The following PLEKHG7 variants were observed in gnomAD, a reference collection of about 807,000 sequenced individuals.
PLEKHG7 encodes pleckstrin homology and RhoGEF domain containing G7.
Under a neutral mutation model 85.2 loss-of-function variants are expected in PLEKHG7, and 77 were observed. The observed-to-expected ratio is 0.90, with a 90% CI of 0.75 to 1.09. The LOEUF is 1.09. Among genes scored for constraint, PLEKHG7 ranks in the 50% least tolerant of loss-of-function variants. The pLI is 0.00. For synonymous variants in PLEKHG7, 301 were observed against 302.4 expected, an observed-to-expected ratio of 1.00 and a Z score of 0.05; for missense variants, 777 against 804.3, an observed-to-expected ratio of 0.97 and a Z score of 0.41.
intron 9 of PLEKHG7, 115 bp from the exon 10 acceptor site, chr12:92,745,363 C>A (rs1872503559): frequency 1.5e-6 from 1 of 677,112 alleles, no homozygotes. Context: ...ATCATGGCGA[C>A]TCCTCCACTT....
At chr12:92,756,260 TAAC>T (rs754105331) in intron 12 of PLEKHG7, 35 bp from the exon 13 acceptor site, 8 of 1,471,836 alleles carry the variant, frequency 5.4e-6, no homozygotes, top group Non-Finnish European at 7.6e-6. Flanking sequence ...TTCCAATCAC[TAAC>T]AACATCTCTT....
At chr12:92,768,554 T>C (rs559139858) in intron 15 of PLEKHG7, among the ~76,000 whole-genome samples, 5 of 152,326 alleles carry the variant, frequency 3.3e-5, no homozygotes, top group Non-Finnish European at 7.3e-5. Flanking sequence ...TGGATGTGAC[T>C]TCCCTTTAAA....
chr12:92,731,446 T>C (rs1871990803), intron 4 of PLEKHG7, among the ~76,000 whole-genome samples: 1 of 152,220 alleles, frequency 6.6e-6, no homozygotes, highest in African/African-American at 2.4e-5. Context: ...CTGGGGGATC[T>C]GATAGAGAGA....
chr12:92,761,815 C>T lies in PLEKHG7; in HGVS notation c.1700C>T (p.Thr567Ile), dbSNP rs1873043839. Residue 567 changes from threonine to isoleucine, a missense_variant, in exon 14 of 17, where the codon ACT (threonine) becomes ATT (isoleucine). This residue lies in a region of PLEKHG7 where 520 missense variants were observed against 544.0 expected (regional missense o/e 0.96). Transcript: ENST00000344636. Reference sequence around the variant, plus strand: ...AATGATTTCCTCTTAGTTACGAAAACTAAGTGCAACAAAAAGGTAAAATGC... The same window carrying T: ...AATGATTTCCTCTTAGTTACGAAAATTAAGTGCAACAAAAAGGTAAAATGC... ...LFNDFLLVTK[T>I]KCNKKKLGGS... 4 of 1,576,422 alleles carry T rather than the reference C, an allele frequency of 2.5e-6. No homozygotes were observed. In the South Asian group the frequency reaches 4.8e-5, roughly 19 times the overall value.
rs1393589288 is a variant in PLEKHG7, at chr12:92,740,941, T to TAA, written c.1029_1030dup (p.Thr344LysfsTer9). 6.2e-7 allele frequency: 1 copy of TAA among 1,605,400 alleles called. No individual in the cohort carries two copies. Among genetic ancestry groups the TAA allele is most frequent in the Non-Finnish European group, 8.5e-7 (1 of 1,172,928 alleles). Reference sequence around the variant, plus strand: ...AGACTTTTTGCAAACCTGGAGGAGTTAACTCAGGTGAGCCAAGTAGGAAGA... The same window carrying TAA: ...AGACTTTTTGCAAACCTGGAGGAGTTAAAACTCAGGTGAGCCAAGTAGGAAGA... On this transcript the variant is annotated frameshift_variant, in exon 8 of 17. Coordinates refer to ENST00000344636, the MANE Select transcript of PLEKHG7 (RefSeq NM_001377329.1). LOFTEE classifies it high-confidence loss of function.
At chr12:92,740,781 A>T in intron 7 of PLEKHG7, 72 bp from the exon 8 acceptor site, 1 of 1,009,924 alleles carries the variant, frequency 9.9e-7, no homozygotes, top group Non-Finnish European at 1.5e-6. Flanking sequence ...GTTTATGTTT[A>T]AAGTTCTTGC....
At chr12:92,713,444 G>A (rs759998079) in intron 3 of PLEKHG7, among the ~76,000 whole-genome samples, 9 of 152,102 alleles carry the variant, frequency 5.9e-5, no homozygotes, top group Non-Finnish European at 1.2e-4. Flanking sequence ...TGCCTCTTCC[G>A]TCCATTATGG....
intron 7 of PLEKHG7, among the ~76,000 whole-genome samples, chr12:92,739,453 C>T (rs1202599338): frequency 3.3e-5 from 5 of 152,100 alleles, no homozygotes; most frequent in Admixed American, 6.6e-5. Flanking sequence ...AAATGTTCAC[C>T]GCAGAGAACG....
chr12:92,726,112 G>A (rs764194169), intron 3 of PLEKHG7, among the ~76,000 whole-genome samples: 2 of 152,214 alleles, frequency 1.3e-5, no homozygotes, highest in Non-Finnish European at 2.9e-5. Flanking sequence ...CCGAGAATGT[G>A]CAATTAAGAG....
intron 15 of PLEKHG7, among the ~76,000 whole-genome samples, chr12:92,764,931 C>CA (rs1392322178): frequency 6.6e-6 from 1 of 152,112 alleles, no homozygotes; most frequent in African/African-American, 2.4e-5. Context: ...AGGACGCAGA[C>CA]ACCACTCTGC....
At chr12:92,763,214 A>G (rs1025708441) in intron 14 of PLEKHG7, among the ~76,000 whole-genome samples, 2 of 152,190 alleles carry the variant, frequency 1.3e-5, no homozygotes, top group Admixed American at 6.5e-5. Context: ...TTTATGTACA[A>G]TTTATACCAT....
chr12:92,732,338 G>C (rs1424432237), intron 5 of PLEKHG7, 65 bp downstream of exon 5: 1 of 962,988 alleles, frequency 1.0e-6, no homozygotes, highest in African/African-American at 1.7e-5. Context: ...AGTAAGAAAT[G>C]GCTGAAGAGT....
At position 92,770,181 on chromosome 12, in the gene PLEKHG7, T is replaced by A. The variant is rs1042031460; in HGVS notation, c.2062T>A (p.Ser688Thr). 6.3e-7 allele frequency: 1 copy of A among 1,597,540 alleles called. No individual in the cohort carries two copies. The highest frequency in any genetic ancestry group is 8.5e-7 in the Non-Finnish European group (1 of 1,170,696). The change falls in exon 17 of 17, where the codon TCC (serine) becomes ACC (threonine). Residue 688 changes from serine (S) to threonine (T), a missense_variant. This residue lies in a region of PLEKHG7 where 520 missense variants were observed against 544.0 expected (regional missense o/e 0.96). Coordinates refer to ENST00000344636, the MANE Select transcript of PLEKHG7 (RefSeq NM_001377329.1). ...KISLFTLPAE[S>T]SEI ...ATCTTTATTCACATTGCCCGCAGAA[T>A]CCTCTGAAATTTAGGGACCTAAAAC... is the stretch of plus-strand genomic sequence containing the variant.
chr12:92,729,465 T>G (rs1871919034), intron 4 of PLEKHG7, among the ~76,000 whole-genome samples: 1 of 150,152 alleles, frequency 6.7e-6, no homozygotes, highest in Admixed American at 6.7e-5. Flanking sequence ...TTCCCCATTA[T>G]TGCTGTCATG....
chr12:92,741,773 T>C (rs775280555), intron 9 of PLEKHG7, among the ~76,000 whole-genome samples, 181 bp downstream of exon 9: 6 of 152,346 alleles, frequency 3.9e-5, no homozygotes, highest in Middle Eastern at 6.8e-3. Context: ...AGATTCTGTT[T>C]TCCCATTGCC....
chr12:92,742,302 A>T (rs1194482032), intron 9 of PLEKHG7, among the ~76,000 whole-genome samples: 1 of 152,204 alleles, frequency 6.6e-6, no homozygotes, highest in Non-Finnish European at 1.5e-5. Context: ...CTTGTAGGGG[A>T]GAAATTAATC....
chr12:92,730,367 G>A (rs1425881438), intron 4 of PLEKHG7, among the ~76,000 whole-genome samples: 1 of 152,196 alleles, frequency 6.6e-6, no homozygotes, highest in Non-Finnish European at 1.5e-5. Context: ...AACTACAACA[G>A]TGGTTCTCAA....
chr12:92,747,933 C>T (rs1044824066), intron 10 of PLEKHG7, among the ~76,000 whole-genome samples: 3 of 152,088 alleles, frequency 2.0e-5, no homozygotes, highest in African/African-American at 7.2e-5. Flanking sequence ...TTGATGGGTG[C>T]AAACATACAG....
At chr12:92,707,346 C>A (rs577795281) in intron 2 of PLEKHG7, 7 of 1,428,796 alleles carry the variant, frequency 4.9e-6, no homozygotes, top group Non-Finnish European at 6.4e-6. Context: ...AATGATCTCG[C>A]TCACTTTCTT....
Sources: allele counts gnomAD v4.1 joint callset (sites outside exome capture counted in the v4.1 genomes callset), GRCh38; gene constraint gnomAD v4.1.1; regional missense constraint gnomAD v4.1.1; transcripts MANE v1.5; gene names NCBI Gene and HGNC (gene_info 2026-07-23, HGNC 2026-07-21).